The following KCTD7 variants were observed in gnomAD, a reference collection of about 807,000 sequenced individuals.
The protein encoded by KCTD7 is potassium channel tetramerization domain containing 7.
Under a neutral mutation model 27.0 loss-of-function variants are expected in KCTD7, and 15 were observed. That is an observed-to-expected ratio of 0.56 (90% CI 0.37 to 0.86). KCTD7 has a LOEUF of 0.86. Among genes scored for constraint, KCTD7 ranks in the 40% least tolerant of loss-of-function variants. The probability of loss-of-function intolerance (pLI) is 0.00; values close to 1 mark genes in which losing one functional copy is unlikely to be tolerated. For synonymous variants in KCTD7, 159 were observed against 162.7 expected, an observed-to-expected ratio of 0.98 and a Z score of 0.17; for missense variants, 299 against 398.9, an observed-to-expected ratio of 0.75 and a Z score of 2.13.
chr7:66,638,833 A>C, intron 3 of KCTD7, 23 bp from the exon 4 acceptor site: 1 of 1,613,488 alleles, frequency 6.2e-7, no homozygotes, highest in South Asian at 1.1e-5. Flanking sequence ...CCCTAGTGAT[A>C]GGTGTTGTGT....
In KCTD7 at chr7:66,642,889, G is replaced by C; in HGVS notation, c.*3657G>C. The C allele has an allele frequency of 1.1e-5, 11 of 985,520 alleles. No individual in the cohort carries two copies. The highest frequency in any genetic ancestry group is 1.3e-5 in the Non-Finnish European group (11 of 830,026). The allele number at this position is 985,520 out of a possible 1,614,324, so 61.0% of individuals were successfully genotyped here. A position where few individuals can be genotyped will look rare whatever the true frequency, so the allele number is the denominator to read the frequency against. On this transcript the variant is annotated 3_prime_UTR_variant, in exon 4 of 4. Coordinates refer to ENST00000639828, the MANE Select transcript of KCTD7 (RefSeq NM_153033.5). ...GTATGGGAACAGGCAGTCACCTCGAGTGTGGGAGGTCACCTGGGTCCGTCG... is the reference window on the plus strand; with the variant it reads ...GTATGGGAACAGGCAGTCACCTCGACTGTGGGAGGTCACCTGGGTCCGTCG...
intron 1 of KCTD7, among the ~76,000 whole-genome samples, chr7:66,630,727 G>A (rs1786424850): frequency 6.6e-6 from 1 of 152,126 alleles, no homozygotes; most frequent in African/African-American, 2.4e-5. Flanking sequence ...CTATTTTTTT[G>A]TGCACTGTCA....
Position 66,640,147 on chromosome 7 carries a change from A to G in KCTD7, c.*915A>G. The G allele has an allele frequency of 7.4e-7, 1 of 1,358,594 alleles. No individual in the cohort carries two copies. 84.2% of individuals were successfully genotyped at this position (1,358,594 alleles called of 1,614,324 possible). A position where few individuals can be genotyped will look rare whatever the true frequency, so the allele number is the denominator to read the frequency against. ...TCCAGTTTGTGGTGAACCTCTTTGGAAGGGGACCCCCTCTCTTTAAACCCT... is the reference window on the plus strand; with the variant it reads ...TCCAGTTTGTGGTGAACCTCTTTGGGAGGGGACCCCCTCTCTTTAAACCCT... On this transcript the variant is annotated 3_prime_UTR_variant, in exon 4 of 4. Transcript: ENST00000639828.
At chr7:66,638,543 A>C in intron 3 of KCTD7, 112 bp downstream of exon 3, 1 of 1,178,988 alleles carries the variant, frequency 8.5e-7, no homozygotes, top group South Asian at 1.4e-5. Context: ...CAGATTACTC[A>C]AGATGCGATG....
rs1414817828 is a variant in KCTD7 at position 66,642,694 on chromosome 7, T to G, written c.*3462T>G. ...CTCTTGCGTGAAGGTGGTACCTGTC[T>G]CATGATCCTTAAAAGAGAGAGGCTT... is the stretch of plus-strand genomic sequence containing the variant. On this transcript the variant is annotated 3_prime_UTR_variant, in exon 4 of 4. Coordinates refer to ENST00000639828, the MANE Select transcript of KCTD7 (RefSeq NM_153033.5). 2 of 985,340 alleles carry G rather than the reference T, an allele frequency of 2.0e-6. No homozygotes were observed. The highest frequency in any genetic ancestry group is 2.4e-6 in the Non-Finnish European group (2 of 829,958). The allele number at this position is 985,340 out of a possible 1,614,324, so 61.0% of individuals were successfully genotyped here.
At chr7:66,636,157 G>C (rs1245067136) in intron 2 of KCTD7, among the ~76,000 whole-genome samples, 1 of 152,250 alleles carries the variant, frequency 6.6e-6, no homozygotes, top group Non-Finnish European at 1.5e-5. Context: ...TTCGTAGGGT[G>C]CATTTCTTAC....
intron 1 of KCTD7, among the ~76,000 whole-genome samples, chr7:66,630,530 G>A (rs546971833): frequency 9.2e-5 from 14 of 152,304 alleles, no homozygotes; most frequent in East Asian, 5.8e-4. Context: ...TGTGGTATGC[G>A]GAGTCCCAGG....
Position 66,639,442 on chromosome 7 carries a change from C to T in KCTD7, c.*210C>T, listed in dbSNP as rs1486611894. 2 of 1,459,612 alleles carry T rather than the reference C, an allele frequency of 1.4e-6. No homozygotes were observed. Among genetic ancestry groups the T allele is most frequent in the East Asian group, 2.5e-5 (1 of 39,894 alleles). 90.4% of individuals were successfully genotyped at this position (1,459,612 alleles called of 1,614,324 possible). A position where few individuals can be genotyped will look rare whatever the true frequency, so the allele number is the denominator to read the frequency against. ...GGGCTCAGGGCTTGCGGCCTGCAGG[C>T]ACTCCAGCCAGCGCTCACCTGGCCT... is the stretch of plus-strand genomic sequence containing the variant. On this transcript the variant is annotated 3_prime_UTR_variant, in exon 4 of 4. Coordinates refer to ENST00000639828, the MANE Select transcript of KCTD7 (RefSeq NM_153033.5).
chr7:66,642,821 A>G lies in KCTD7; in HGVS notation c.*3589A>G, dbSNP rs1041737819. 1.0e-6 allele frequency: 1 copy of G among 984,582 alleles called. No homozygotes were observed. The highest frequency in any genetic ancestry group is 4.7e-5 in the South Asian group (1 of 21,260). The allele number at this position is 984,582 out of a possible 1,614,324, so 61.0% of individuals were successfully genotyped here. On this transcript the variant is annotated 3_prime_UTR_variant, in exon 4 of 4. Coordinates refer to ENST00000639828, the MANE Select transcript of KCTD7 (RefSeq NM_153033.5). ...GTATATACATACTGAGTGGGGAAGG[A>G]TGGGGGTTGGCAGGGGTTGAGGGAG...
In KCTD7 at chr7:66,639,469, T is replaced by A. The variant is rs985121432; in HGVS notation, c.*237T>A. On this transcript the variant is annotated 3_prime_UTR_variant, in exon 4 of 4. Coordinates refer to ENST00000639828, the MANE Select transcript of KCTD7 (RefSeq NM_153033.5). ...CTCCAGCCAGCGCTCACCTGGCCTT[T>A]CCTCAAGGCATGGTAGTCTTTCCTT... is the stretch of plus-strand genomic sequence containing the variant. The A allele has an allele frequency of 5.6e-6, 8 of 1,431,336 alleles. No individual in the cohort carries two copies. In the African/African-American group the frequency reaches 1.1e-4, roughly 20 times the overall value. The allele number at this position is 1,431,336 out of a possible 1,614,324, so 88.7% of individuals were successfully genotyped here. A position where few individuals can be genotyped will look rare whatever the true frequency, so the allele number is the denominator to read the frequency against.
Position 66,641,006 on chromosome 7 carries a change from T to G in KCTD7, c.*1774T>G. 1.0e-6 allele frequency: 1 copy of G among 985,412 alleles called. No homozygotes were observed. Among genetic ancestry groups the G allele is most frequent in the Non-Finnish European group, 1.2e-6 (1 of 829,982 alleles). The allele number at this position is 985,412 out of a possible 1,614,324, so 61.0% of individuals were successfully genotyped here. A position where few individuals can be genotyped will look rare whatever the true frequency, so the allele number is the denominator to read the frequency against. Reference sequence around the variant, plus strand: ...CCTCCGTGGGGCTGGACGGCAGTGATCTCCTGTTCCCTATGTGTAAACAAA... The same window carrying G: ...CCTCCGTGGGGCTGGACGGCAGTGAGCTCCTGTTCCCTATGTGTAAACAAA... On this transcript the variant is annotated 3_prime_UTR_variant, in exon 4 of 4. Transcript: ENST00000639828.
At chr7:66,636,169 A>G (rs973995161) in intron 2 of KCTD7, among the ~76,000 whole-genome samples, 2 of 152,196 alleles carry the variant, frequency 1.3e-5, no homozygotes, top group African/African-American at 2.4e-5. Flanking sequence ...ATTTCTTACT[A>G]TACAGCTTAT....
In KCTD7 at chr7:66,639,101, T is replaced by G; in HGVS notation, c.739T>G (p.Cys247Gly). 1 of 1,614,176 alleles carries G rather than the reference T, an allele frequency of 6.2e-7. No individual in the cohort carries two copies. The highest frequency in any genetic ancestry group is 8.5e-7 in the Non-Finnish European group (1 of 1,180,026). The change falls in exon 4 of 4, where the codon TGC becomes GGC. Residue 247 changes from cysteine to glycine, a missense_variant. Coordinates refer to ENST00000639828, the MANE Select transcript of KCTD7 (RefSeq NM_153033.5). ...GGCTGATGTTTATGACCTGCTGCAC[T>G]GCCTGGTCACGGACCTCTCGGCCCA... ...AVADVYDLLHCLVTDLSAQGL... is the reference protein window; with the variant it reads ...AVADVYDLLHGLVTDLSAQGL...
Position 66,629,201 on chromosome 7 carries a change from C to A in KCTD7, c.137C>A (p.Pro46Gln). 6.9e-7 allele frequency: 1 copy of A among 1,447,912 alleles called. No individual in the cohort carries two copies. 89.7% of individuals were successfully genotyped at this position (1,447,912 alleles called of 1,614,324 possible). Residue 46 changes from proline to glutamine, a missense_variant, in exon 1 of 4, where the codon CCA becomes CAA. Transcript: ENST00000639828. ...GCGGGGCACGCGCTGCCCCTGCTGC[C>A]ACAGGAGGTACCCGGGCGGGCGGCG... ...TQAGHALPLL[P>Q]QEFPEVVPLN...
chr7:66,633,109 G>T (rs1786491906), intron 1 of KCTD7, among the ~76,000 whole-genome samples, 166 bp from the exon 2 acceptor site: 1 of 152,042 alleles, frequency 6.6e-6, no homozygotes, highest in African/African-American at 2.4e-5. Flanking sequence ...CAGATGATGA[G>T]GGTGGGGCAG....
In KCTD7 at chr7:66,642,482, A is replaced by T. The variant is rs1288451682; in HGVS notation, c.*3250A>T. On this transcript the variant is annotated 3_prime_UTR_variant, in exon 4 of 4. Transcript: ENST00000639828. ...TAAGACACAGGCGGTGTGAGCATCC[A>T]TGTGTGGTCTTGGTCTAAACCAGCT... 1 of 985,314 alleles carries T rather than the reference A, an allele frequency of 1.0e-6. No individual in the cohort carries two copies. Among genetic ancestry groups the T allele is most frequent in the African/African-American group, 1.7e-5 (1 of 57,234 alleles). 61.0% of individuals were successfully genotyped at this position (985,314 alleles called of 1,614,324 possible).
Position 66,638,375 on chromosome 7 carries a change from C to T in KCTD7, c.437C>T (p.Pro146Leu). ...CTGGAGCAGCTGGAGAACATGCAGC[C>T]ACTGAAGGGCGAGAAGGTGCGCCAA... ...PLLEQLENMQ[P>L]LKGEKVRQAF... The change falls in exon 3 of 4, where the codon CCA becomes CTA. Residue 146 changes from proline to leucine, a missense_variant. By Grantham distance (98) the Pro-to-Leu change is moderately conservative. Transcript: ENST00000639828. 2 of 1,614,244 alleles carry T rather than the reference C, an allele frequency of 1.2e-6. No individual in the cohort carries two copies. Among genetic ancestry groups the T allele is most frequent in the African/African-American group, 1.3e-5 (1 of 75,052 alleles).
At position 66,641,522 on chromosome 7, in the gene KCTD7, T is replaced by C; in HGVS notation, c.*2290T>C. 1.0e-6 allele frequency: 1 copy of C among 985,402 alleles called. No homozygotes were observed. Among genetic ancestry groups the C allele is most frequent in the Non-Finnish European group, 1.2e-6 (1 of 829,922 alleles). The allele number at this position is 985,402 out of a possible 1,614,324, so 61.0% of individuals were successfully genotyped here. ...TCAAAAACAGGTCCTGAAGGCTTGC[T>C]TAGGATTACAGGGATGCTGGGTAAG... On this transcript the variant is annotated 3_prime_UTR_variant, in exon 4 of 4. Transcript: ENST00000639828.
rs934708355 is a variant in KCTD7, at chr7:66,640,934, G to A, written c.*1702G>A. The A allele has an allele frequency of 3.0e-6, 3 of 985,464 alleles. No individual in the cohort carries two copies. The highest frequency in any genetic ancestry group is 3.5e-5 in the African/African-American group (2 of 57,238). The allele number at this position is 985,464 out of a possible 1,614,324, so 61.0% of individuals were successfully genotyped here. A position where few individuals can be genotyped will look rare whatever the true frequency, so the allele number is the denominator to read the frequency against. On this transcript the variant is annotated 3_prime_UTR_variant, in exon 4 of 4. Transcript: ENST00000639828. Reference sequence around the variant, plus strand: ...GGGTATAAGGGGAGCTGAAGTCTGTGTTCATATGAGGAAGAGAAGACCAAG... The same window carrying A: ...GGGTATAAGGGGAGCTGAAGTCTGTATTCATATGAGGAAGAGAAGACCAAG...
Sources: allele counts gnomAD v4.1 joint callset (sites outside exome capture counted in the v4.1 genomes callset), GRCh38; gene constraint gnomAD v4.1.1; transcripts MANE v1.5; gene names NCBI Gene and HGNC (gene_info 2026-07-23, HGNC 2026-07-21).